Variants in PMFBP1 observed in about 807,000 individuals in gnomAD.
The protein encoded by PMFBP1 is polyamine-modulated factor 1-binding protein 1.
In PMFBP1, 131 loss-of-function variants were observed where a neutral mutation model predicts 137.8. The observed-to-expected ratio is 0.95, with a 90% CI of 0.82 to 1.10. The LOEUF (loss-of-function observed/expected upper bound fraction) is 1.10, where lower values mean the gene tolerates loss of function less well. Among genes scored for constraint, PMFBP1 ranks in the 50% least tolerant of loss-of-function variants. The pLI, the probability that PMFBP1 is intolerant of heterozygous loss-of-function variation, is 0.00. For synonymous variants in PMFBP1, 490 were observed against 450.4 expected (o/e 1.09, Z -1.11); for missense variants, 1,199 against 1,175.4 (o/e 1.02, Z -0.29).
At position 72,164,886 on chromosome 16, in the gene PMFBP1, G is replaced by A; in HGVS notation, c.43C>T (p.Leu15=). 1 of 1,602,928 alleles carries A rather than the reference G, an allele frequency of 6.2e-7. No homozygotes were observed. The highest frequency in any genetic ancestry group is 1.1e-5 in the South Asian group (1 of 90,712). The part of the protein sequence containing the change: ...AGERDREVSS[L]NSKLLSLQLD... ...TGCAGGCTTAACAGCTTGCTGTTCA[G>A]GCTGCTCACTTCTCTGTCTCTCTCC... is the stretch of plus-strand genomic sequence containing the variant. Residue 15 remains leucine (L), a synonymous_variant, in exon 3 of 21, where the codon CTG becomes TTG. Transcript: ENST00000237353.
intron 3 of PMFBP1, among the ~76,000 whole-genome samples, chr16:72,159,993 C>A (rs1306007428): frequency 6.6e-6 from 1 of 152,300 alleles, no homozygotes; most frequent in Non-Finnish European, 1.5e-5. Flanking sequence ...GGTTTCTCAG[C>A]TGGATTTCTA....
chr16:72,233,927 A>T, the PMFBP1 span, among the ~76,000 whole-genome samples: 2 of 152,080 alleles, frequency 1.3e-5, no homozygotes, highest in Non-Finnish European at 2.9e-5. Context: ...ATTCTTTTTG[A>T]TGGCCAAATA....
upstream of PMFBP1, among the ~76,000 whole-genome samples, chr16:72,175,623 G>A (rs2043256390): frequency 6.6e-6 from 1 of 152,192 alleles, no homozygotes; most frequent in Non-Finnish European, 1.5e-5. Flanking sequence ...ATGTTTCCGG[G>A]TTTTCAGGAA....
chr16:72,173,226 T>C (rs2144539084), upstream of PMFBP1, among the ~76,000 whole-genome samples: 1 of 152,358 alleles, frequency 6.6e-6, no homozygotes, highest in Admixed American at 6.5e-5. Flanking sequence ...TTCAGTGCTC[T>C]ACCACGATGG....
chr16:72,167,978 C>A (rs1221291151), intron 2 of PMFBP1, among the ~76,000 whole-genome samples: 1 of 152,178 alleles, frequency 6.6e-6, no homozygotes, highest in Non-Finnish European at 1.5e-5. Flanking sequence ...GAGTAGAAGG[C>A]CTGACAGCCC....
chr16:72,139,253 G>A (rs773280028), intron 7 of PMFBP1, 36 bp downstream of exon 7: 5 of 1,481,870 alleles, frequency 3.4e-6, no homozygotes, highest in Admixed American at 1.7e-5. Flanking sequence ...AGCTCAGCCC[G>A]ATCCCAGTAG....
the PMFBP1 span, among the ~76,000 whole-genome samples, chr16:72,221,789 T>C: frequency 1.3e-5 from 2 of 152,250 alleles, no homozygotes; most frequent in Non-Finnish European, 2.9e-5. Flanking sequence ...TGATACTTCA[T>C]ATGTCATACT....
intron 7 of PMFBP1, among the ~76,000 whole-genome samples, chr16:72,138,504 C>T (rs2042667362): frequency 6.6e-6 from 1 of 152,046 alleles, no homozygotes; most frequent in Non-Finnish European, 1.5e-5. Context: ...GGTTCATCAA[C>T]TTTTATTTAT....
At chr16:72,151,966 T>C (rs955496155) in intron 4 of PMFBP1, among the ~76,000 whole-genome samples, 5 of 151,620 alleles carry the variant, frequency 3.3e-5, no homozygotes, top group Non-Finnish European at 7.4e-5. Context: ...TGACTGGGGG[T>C]ATGTTGGTGG....
the PMFBP1 span, among the ~76,000 whole-genome samples, chr16:72,233,969 T>C: frequency 1.3e-5 from 2 of 152,206 alleles, no homozygotes; most frequent in African/African-American, 4.8e-5. Flanking sequence ...CCATATTTTG[T>C]CTGTTCATCA....
At chr16:72,244,513 G>A in the PMFBP1 span, among the ~76,000 whole-genome samples, 1 of 152,154 alleles carries the variant, frequency 6.6e-6, no homozygotes, top group Non-Finnish European at 1.5e-5. Flanking sequence ...GTTCTACTGG[G>A]TCCTTGAAGA....
At chr16:72,129,044 C>T (rs781625501) in intron 13 of PMFBP1, 22 bp downstream of exon 13, 3 of 1,611,098 alleles carry the variant, frequency 1.9e-6, no homozygotes, top group African/African-American at 1.3e-5. Flanking sequence ...TGACCCAGCT[C>T]TCCTGGGATT....
chr16:72,127,447 A>C (rs1208386235), intron 14 of PMFBP1, among the ~76,000 whole-genome samples: 1 of 152,224 alleles, frequency 6.6e-6, no homozygotes, highest in Non-Finnish European at 1.5e-5. Context: ...GAGAAACTAT[A>C]ATTCACTGTC....
the PMFBP1 span, among the ~76,000 whole-genome samples, chr16:72,242,659 G>A: frequency 1.3e-5 from 2 of 152,114 alleles, no homozygotes; most frequent in Non-Finnish European, 2.9e-5. Context: ...GAACTAGAAC[G>A]TTCATTTTCA....
At chr16:72,164,444 C>A (rs748993848) in intron 3 of PMFBP1, 10 of 1,355,676 alleles carry the variant, frequency 7.4e-6, no homozygotes, top group South Asian at 2.5e-5. Flanking sequence ...GCAGACGCTG[C>A]TCCCCTTGTA....
rs554959707 is a variant in PMFBP1, at chr16:72,124,201, A to G, written c.2590-552T>C. ...AACATTTAAACTTATTGTAGAGATG[A>G]GGTCTTGCTATGTTGCCCAGGCTGG... On this transcript the variant is annotated intron_variant, in intron 17 of 20. Transcript: ENST00000237353. Among the ~76,000 whole-genome samples, 3 of 152,290 alleles carry G rather than the reference A, an allele frequency of 2.0e-5. No individual in the cohort carries two copies. The South Asian group carries it at 6.2e-4, about 32-fold the overall frequency.
chr16:72,168,514 T>C (rs550970971), intron 2 of PMFBP1, among the ~76,000 whole-genome samples: 3 of 152,332 alleles, frequency 2.0e-5, no homozygotes, highest in African/African-American at 7.2e-5. Flanking sequence ...TAGGGATAGA[T>C]TTAATCTGAC....
At chr16:72,118,118 A>T (rs2042326569), downstream of PMFBP1, among the ~76,000 whole-genome samples, 1 of 152,270 alleles carries the variant, frequency 6.6e-6, no homozygotes, top group South Asian at 2.1e-4. Flanking sequence ...TTGGTAAATT[A>T]TAGAGATAAA....
intron 10 of PMFBP1, 37 bp from the exon 11 acceptor site, chr16:72,130,759 GGT>G: frequency 6.4e-7 from 1 of 1,561,022 alleles, no homozygotes. Flanking sequence ...GAGAAGGGAG[GGT>G]GTATGAAGAT....
Sources: gnomAD v4.1 joint callset for allele counts (sites outside exome capture counted in the v4.1 genomes callset) on GRCh38, gnomAD v4.1.1 for gene constraint, MANE v1.5 for transcripts, NCBI Gene and HGNC (gene_info 2026-07-23, HGNC 2026-07-21) for gene names.